Variants in MRTFB observed in about 807,000 individuals in gnomAD.
The protein encoded by MRTFB is myocardin related transcription factor B, also known as myocardin-related transcription factor B.
Under a neutral mutation model 104.2 loss-of-function variants are expected in MRTFB, and 29 were observed. That is an observed-to-expected ratio of 0.28 (90% confidence interval 0.21 to 0.38). The LOEUF (loss-of-function observed/expected upper bound fraction) is 0.38, where lower values mean the gene tolerates loss of function less well. Ranked by LOEUF, MRTFB falls within the 10% of genes least tolerant of loss-of-function variation. MRTFB has a pLI of 1.00. For synonymous variants in MRTFB, 535 were observed against 519.5 expected (o/e 1.03, Z -0.41); for missense variants, 1,270 against 1,341.6 (o/e 0.95, Z 0.83).
the MRTFB span, among the ~76,000 whole-genome samples, chr16:14,036,576 CA>C: frequency 6.7e-6 from 1 of 149,244 alleles, no homozygotes; most frequent in Non-Finnish European, 1.5e-5. Flanking sequence ...TACATTCCAT[CA>C]TATATATGTT....
At chr16:14,178,718 T>G (rs950394470) in intron 3 of MRTFB, among the ~76,000 whole-genome samples, 6 of 152,148 alleles carry the variant, frequency 3.9e-5, no homozygotes, top group Non-Finnish European at 7.4e-5. Context: ...GTTGGGCTTT[T>G]CAGTGTATGG....
In MRTFB at chr16:14,140,611, A is replaced by C. The variant is rs2037946590; in HGVS notation, c.5A>C (p.Asp2Ala). 1 of 1,614,028 alleles carries C rather than the reference A, an allele frequency of 6.2e-7. No individual in the cohort carries two copies. Among genetic ancestry groups the C allele is most frequent in the African/African-American group, 1.3e-5 (1 of 74,942 alleles). Residue 2 changes from aspartate to alanine, a missense_variant, in exon 3 of 17, where the codon GAT becomes GCT. Physicochemically the swap from Asp to Ala is moderately radical, Grantham distance 126 (BLOSUM62 -2). This residue lies in a region of MRTFB where 62 missense variants were observed against 57.2 expected (regional missense o/e 1.08). Coordinates refer to ENST00000571589, the MANE Select transcript of MRTFB (RefSeq NM_001308142.2). MDHTGAIDTEDE... is the reference protein window; with the variant it reads MAHTGAIDTEDE... ...GTTGCCAGTGGCTGGAACACAATGG[A>C]TCACACAGGGGCGATAGACACCGAG...
chr16:14,019,256 C>G, the MRTFB span: 2 of 152,202 alleles, frequency 1.3e-5, no homozygotes, highest in African/African-American at 4.8e-5. Flanking sequence ...AGAAATAGCA[C>G]CATATATTGG....
intron 2 of MRTFB, among the ~76,000 whole-genome samples, chr16:14,125,792 T>A (rs551013845): frequency 2.0e-4 from 31 of 152,336 alleles, no homozygotes; most frequent in African/African-American, 7.0e-4. Flanking sequence ...ATGGTTAACA[T>A]TTTTCATCTT....
Position 14,246,914 on chromosome 16 carries a change from A to C in MRTFB, c.1654A>C (p.Ser552Arg). 1.9e-6 allele frequency: 3 copies of C among 1,614,022 alleles called. No individual in the cohort carries two copies. Among genetic ancestry groups the C allele is most frequent in the Non-Finnish European group, 2.5e-6 (3 of 1,180,036 alleles). ...TTTGAGAATGACAAATAATGAAGAC[A>C]GTCTGAGTCCCACCAGCAGCACTCT... ...SPLRMTNNED[S>R]LSPTSSTLSN... The change falls in exon 12 of 17, where the codon AGT (serine) becomes CGT (arginine). Residue 552 changes from serine to arginine, a missense_variant. Ser to Arg is a moderately radical substitution (Grantham distance 110). Transcript: ENST00000571589.
intron 1 of MRTFB, among the ~76,000 whole-genome samples, chr16:14,077,855 G>T (rs2034158100): frequency 6.6e-6 from 1 of 152,106 alleles, no homozygotes; most frequent in Non-Finnish European, 1.5e-5. Flanking sequence ...AAAAAGAAAG[G>T]ACCCATAAAG....
intron 3 of MRTFB, among the ~76,000 whole-genome samples, chr16:14,199,298 A>C (rs114191203): frequency 2.0e-5 from 3 of 152,024 alleles, no homozygotes; most frequent in Non-Finnish European, 4.4e-5. Flanking sequence ...CAGGGCTTCT[A>C]TTTGTTGGCT....
At chr16:14,081,894 A>AT (rs1322741736) in intron 2 of MRTFB, among the ~76,000 whole-genome samples, 1 of 151,964 alleles carries the variant, frequency 6.6e-6, no homozygotes, top group Non-Finnish European at 1.5e-5. Flanking sequence ...TTTTAATTGG[A>AT]TTTTTTTCCT....
chr16:14,167,362 T>C (rs1204705504), intron 3 of MRTFB, among the ~76,000 whole-genome samples: 1 of 152,180 alleles, frequency 6.6e-6, no homozygotes, highest in Non-Finnish European at 1.5e-5. Flanking sequence ...TGTTTTTTTT[T>C]TCTTGTAAAT....
At chr16:14,172,208 T>C (rs1567412360) in intron 3 of MRTFB, among the ~76,000 whole-genome samples, 2 of 152,214 alleles carry the variant, frequency 1.3e-5, no homozygotes, top group South Asian at 4.2e-4. Context: ...GATTTCTAAT[T>C]TGTCCTTCCT....
the MRTFB span, among the ~76,000 whole-genome samples, chr16:14,014,203 T>C: frequency 6.6e-6 from 1 of 152,060 alleles, no homozygotes; most frequent in African/African-American, 2.4e-5. Flanking sequence ...GAGTGAAGAC[T>C]GGTGAGAAAG....
chr16:14,201,090 C>T, intron 3 of MRTFB: 6 of 1,421,638 alleles, frequency 4.2e-6, no homozygotes, highest in Non-Finnish European at 5.6e-6. Context: ...TTTGTTTTTC[C>T]ACTTAAAAAC....
At position 14,266,160 on chromosome 16, in the gene MRTFB, A is replaced by G. The variant is rs1209632482; in HGVS notation, c.*4716A>G. 2.6e-5 allele frequency: 4 copies of G among 152,368 alleles called. No homozygotes were observed. The highest frequency in any genetic ancestry group is 1.9e-4 in the East Asian group (1 of 5,184). The allele number at this position is 152,368 out of a possible 1,614,324, so 9.4% of individuals were successfully genotyped here. On this transcript the variant is annotated 3_prime_UTR_variant, in exon 17 of 17. Coordinates refer to ENST00000571589, the MANE Select transcript of MRTFB (RefSeq NM_001308142.2). ...ATTTGAGACTAATGAGATCTCAAAA[A>G]TCAGCCCCAAAAAGGTATTATCCAT...
the MRTFB span, among the ~76,000 whole-genome samples, chr16:14,016,482 T>C: frequency 2.8e-4 from 42 of 152,152 alleles, no homozygotes; most frequent in Admixed American, 2.2e-3. Context: ...CTTAAAGGAC[T>C]CTGACCTAGG....
intron 9 of MRTFB, among the ~76,000 whole-genome samples, chr16:14,237,535 T>C (rs1230860496): frequency 6.6e-6 from 1 of 152,226 alleles, no homozygotes; most frequent in Non-Finnish European, 1.5e-5. Flanking sequence ...GAGATGGTAT[T>C]ATAGAAAGCT....
intron 8 of MRTFB, among the ~76,000 whole-genome samples, chr16:14,227,091 G>A (rs145121324): frequency 1.3e-5 from 2 of 152,080 alleles, no homozygotes; most frequent in Non-Finnish European, 2.9e-5. Context: ...TATCTTATAA[G>A]GATTTGCTAT....
At chr16:14,210,493 T>A (rs1450111319) in intron 4 of MRTFB, among the ~76,000 whole-genome samples, 185 bp downstream of exon 4, 1 of 152,204 alleles carries the variant, frequency 6.6e-6, no homozygotes, top group Admixed American at 6.5e-5. Flanking sequence ...AAAAACCAGA[T>A]GCAGTTTAAA....
chr16:14,118,248 C>T (rs1312052806), intron 2 of MRTFB, among the ~76,000 whole-genome samples: 1 of 151,506 alleles, frequency 6.6e-6, no homozygotes, highest in Non-Finnish European at 1.5e-5. Context: ...GTCATCCTCC[C>T]GCCTCAGTCT....
At chr16:14,188,090 A>G (rs1209958738) in intron 3 of MRTFB, among the ~76,000 whole-genome samples, 4 of 152,202 alleles carry the variant, frequency 2.6e-5, no homozygotes, top group African/African-American at 9.7e-5. Flanking sequence ...ACTCTTGGGT[A>G]TGGGCAGGAA....
Sources: allele counts gnomAD v4.1 joint callset (sites outside exome capture counted in the v4.1 genomes callset), GRCh38; gene constraint gnomAD v4.1.1; regional missense constraint gnomAD v4.1.1; transcripts MANE v1.5; gene names NCBI Gene and HGNC (gene_info 2026-07-23, HGNC 2026-07-21).